Variants in GRIK1 observed in about 807,000 individuals in gnomAD.
GRIK1 encodes glutamate ionotropic receptor kainate type subunit 1.
GRIK1 carries 69 observed loss-of-function variants against 105.7 expected under a neutral mutation model. That is an observed-to-expected ratio of 0.65 (90% CI 0.54 to 0.80). The LOEUF (loss-of-function observed/expected upper bound fraction) is 0.80, where lower values mean the gene tolerates loss of function less well. Among genes scored for constraint, GRIK1 ranks in the 30% least tolerant of loss-of-function variants. GRIK1 has a pLI of 0.00. For missense variants in GRIK1, 1,109 were observed against 1,167.3 expected (o/e 0.95, Z 0.73); for synonymous variants, 438 against 431.3 (o/e 1.02, Z -0.19).
At chr21:29,690,368 CA>C (rs2063563452) in intron 2 of GRIK1, among the ~76,000 whole-genome samples, 1 of 152,188 alleles carries the variant, frequency 6.6e-6, no homozygotes, top group Non-Finnish European at 1.5e-5. Context: ...TAAGTTCTGT[CA>C]TGCAGCAGGG....
At chr21:29,659,165 T>G (rs1330909648) in intron 4 of GRIK1, among the ~76,000 whole-genome samples, 1 of 152,158 alleles carries the variant, frequency 6.6e-6, no homozygotes, top group Non-Finnish European at 1.5e-5. Flanking sequence ...CATTTATTAG[T>G]TTGTTTCAAA....
chr21:29,613,279 T>C lies in GRIK1; in HGVS notation c.1099-14342A>G, dbSNP rs531009370. ...CCTGCCCTATCTCAGGAATTTCTTT[T>C]ATGCTGCTTGTCAGTGAAAAACCAA... On this transcript the variant is annotated intron_variant, in intron 7 of 17. Transcript: ENST00000327783. 1.4e-4 allele frequency among the ~76,000 whole-genome samples: 21 copies of C among 152,352 alleles called. No individual in the cohort carries two copies. The East Asian group carries it at 4.1e-3, about 29-fold the overall frequency.
chr21:29,554,041 C>G (rs1367094336), intron 16 of GRIK1, among the ~76,000 whole-genome samples: 1 of 152,112 alleles, frequency 6.6e-6, no homozygotes, highest in Non-Finnish European at 1.5e-5. Flanking sequence ...AATGAATCAT[C>G]CCCAGTTTTG....
intron 7 of GRIK1, among the ~76,000 whole-genome samples, chr21:29,640,413 C>T (rs527628881): frequency 6.6e-6 from 1 of 152,290 alleles, no homozygotes; most frequent in African/African-American, 2.4e-5. Flanking sequence ...CCAAAGGTAG[C>T]ATATGACATC....
At chr21:29,740,538 C>A (rs938900378) in intron 1 of GRIK1, among the ~76,000 whole-genome samples, 1 of 152,062 alleles carries the variant, frequency 6.6e-6, no homozygotes, top group African/African-American at 2.4e-5. Flanking sequence ...GAAATCCTCA[C>A]AACCACCCCA....
intron 14 of GRIK1, among the ~76,000 whole-genome samples, chr21:29,574,620 A>C (rs2146227204): frequency 6.6e-6 from 1 of 152,060 alleles, no homozygotes; most frequent in Admixed American, 6.5e-5. Flanking sequence ...TCTTTAGAAC[A>C]TCACTGTCCA....
chr21:29,763,327 C>A (rs2065575886), intron 1 of GRIK1, among the ~76,000 whole-genome samples: 1 of 152,064 alleles, frequency 6.6e-6, no homozygotes, highest in Admixed American at 6.5e-5. Flanking sequence ...CTGAGGCTTC[C>A]CCAGCCATAT....
chr21:29,641,826 T>G (rs1336004993), intron 7 of GRIK1, among the ~76,000 whole-genome samples: 1 of 152,156 alleles, frequency 6.6e-6, no homozygotes, highest in Non-Finnish European at 1.5e-5. Flanking sequence ...TTAGTTGCAT[T>G]GAACAGACTG....
intron 1 of GRIK1, among the ~76,000 whole-genome samples, chr21:29,810,576 C>T (rs1164459792): frequency 2.0e-5 from 3 of 152,052 alleles, no homozygotes; most frequent in South Asian, 2.1e-4. Flanking sequence ...TTTTGCCAAG[C>T]GTGTCAATCT....
chr21:29,675,619 C>A (rs935606965), intron 3 of GRIK1, among the ~76,000 whole-genome samples: 11 of 152,010 alleles, frequency 7.2e-5, no homozygotes, highest in Non-Finnish European at 1.0e-4. Context: ...CATTAGATGC[C>A]AAGCTTCATG....
Position 29,867,207 on chromosome 21 carries a change from G to A in GRIK1, c.118+72176C>T, listed in dbSNP as rs2068830827. Among the ~76,000 whole-genome samples, 3 of 152,218 alleles carry A rather than the reference G, an allele frequency of 2.0e-5. No individual in the cohort carries two copies. The South Asian group carries it at 6.2e-4, about 32-fold the overall frequency. ...ACCACTTAGCTTGCCTCTTAGTGTG[G>A]AGCTGCTTTAGTGAATTAGAATAAA... On this transcript the variant is annotated intron_variant, in intron 1 of 17. Coordinates refer to ENST00000327783, the MANE Select transcript of GRIK1 (RefSeq NM_001330994.2).
At chr21:29,575,461 A>C (rs1430455262) in intron 14 of GRIK1, among the ~76,000 whole-genome samples, 1 of 152,228 alleles carries the variant, frequency 6.6e-6, no homozygotes, top group African/African-American at 2.4e-5. Context: ...AATGTTTAAA[A>C]AGGAAATAAG....
At chr21:29,593,382 T>C (rs536733489) in intron 9 of GRIK1, among the ~76,000 whole-genome samples, 1 of 152,350 alleles carries the variant, frequency 6.6e-6, no homozygotes, top group South Asian at 2.1e-4. Context: ...TTTAGGTTTC[T>C]TAATCTGGCT....
intron 1 of GRIK1, among the ~76,000 whole-genome samples, chr21:29,740,387 T>C (rs1303250684): frequency 6.6e-6 from 1 of 152,100 alleles, no homozygotes; most frequent in Non-Finnish European, 1.5e-5. Flanking sequence ...CCAACTAATT[T>C]TTGTATTTTT....
chr21:29,659,850 T>A (rs975694105), intron 4 of GRIK1, among the ~76,000 whole-genome samples: 21 of 152,138 alleles, frequency 1.4e-4, no homozygotes, highest in African/African-American at 5.1e-4. Flanking sequence ...TAATCCCAGC[T>A]ACTCGGGAGG....
chr21:29,900,934 C>T (rs536021162), intron 1 of GRIK1, among the ~76,000 whole-genome samples: 18 of 152,296 alleles, frequency 1.2e-4, no homozygotes, highest in Non-Finnish European at 2.1e-4. Context: ...TCACAACAAA[C>T]TGTCTCTCAG....
intron 7 of GRIK1, chr21:29,630,458 G>T (rs1161005475): frequency 2.1e-6 from 1 of 468,736 alleles, no homozygotes; most frequent in Non-Finnish European, 4.4e-6. Context: ...TTATCCTGCA[G>T]GGGAGGGCTG....
intron 1 of GRIK1, among the ~76,000 whole-genome samples, chr21:29,720,935 A>T (rs1340788453): frequency 6.6e-6 from 1 of 152,086 alleles, no homozygotes; most frequent in African/African-American, 2.4e-5. Flanking sequence ...TGAGAATCTC[A>T]TTAACCAGGT....
At chr21:29,814,744 A>G (rs989186800) in intron 1 of GRIK1, among the ~76,000 whole-genome samples, 7 of 152,140 alleles carry the variant, frequency 4.6e-5, no homozygotes, top group African/African-American at 1.7e-4. Flanking sequence ...ACAGGTTTGA[A>G]ATAGTGGTAA....
Sources: allele counts gnomAD v4.1 joint callset (sites outside exome capture counted in the v4.1 genomes callset), GRCh38; gene constraint gnomAD v4.1.1; transcripts MANE v1.5; gene names NCBI Gene and HGNC (gene_info 2026-07-23, HGNC 2026-07-21).